CNTN6: variants seen among roughly 807,000 people sequenced by gnomAD.
The protein encoded by CNTN6 is contactin-6.
Under a neutral mutation model 122.8 loss-of-function variants are expected in CNTN6, and 137 were observed. That is an observed-to-expected ratio of 1.12 (90% CI 0.97 to 1.29). The LOEUF is 1.29. CNTN6 is among the 50% of genes most tolerant of loss of function. The pLI is 0.00. For missense variants in CNTN6, 1,634 were observed against 1,223.4 expected (o/e 1.34, Z -5.01); for synonymous variants, 570 against 426.0 (o/e 1.34, Z -4.16).
chr3:1,258,579 C>T (rs971244221), intron 4 of CNTN6, among the ~76,000 whole-genome samples: 3 of 152,122 alleles, frequency 2.0e-5, no homozygotes, highest in East Asian at 1.9e-4. Flanking sequence ...AATAAAAAAG[C>T]GTGGGGTGAA....
chr3:1,223,460 T>G (rs932965384), intron 3 of CNTN6, among the ~76,000 whole-genome samples: 4 of 152,188 alleles, frequency 2.6e-5, no homozygotes, highest in Non-Finnish European at 5.9e-5. Context: ...GAAAAAGGAT[T>G]ACCCTTTATT....
Position 1,383,059 on chromosome 3 carries a change from G to C in CNTN6, c.2284G>C (p.Val762Leu). 1 of 1,614,026 alleles carries C rather than the reference G, an allele frequency of 6.2e-7. No individual in the cohort carries two copies. The highest frequency in any genetic ancestry group is 1.6e-4 in the Middle Eastern group (1 of 6,062). Reference sequence around the variant, plus strand: ...GTCATCTGTGGAATCATCAAGGTTTGTCTACAGAAATGAAAGCATCATCCC... The same window carrying C: ...GTCATCTGTGGAATCATCAAGGTTTCTCTACAGAAATGAAAGCATCATCCC... Reference protein sequence around the residue: ...KVSSVESSRFVYRNESIIPLS... With the variant: ...KVSSVESSRFLYRNESIIPLS... The change falls in exon 18 of 23, where the codon GTC becomes CTC. Residue 762 changes from valine (V) to leucine (L), a missense_variant. Physicochemically the swap from Val to Leu is conservative, Grantham distance 32. Coordinates refer to ENST00000446702, the MANE Select transcript of CNTN6 (RefSeq NM_001289080.2).
chr3:1,183,502 A>G (rs1188856149), intron 2 of CNTN6, among the ~76,000 whole-genome samples: 1 of 152,010 alleles, frequency 6.6e-6, no homozygotes, highest in Non-Finnish European at 1.5e-5. Context: ...TCCAGTATTC[A>G]ATTGATTGCA....
chr3:1,354,768 T>G (rs189661620), intron 12 of CNTN6, among the ~76,000 whole-genome samples: 100 of 151,612 alleles, frequency 6.6e-4, no homozygotes, highest in African/African-American at 2.3e-3. Context: ...ATCGGACAGT[T>G]TTCAATTTTT....
At chr3:1,244,672 TA>T (rs1416379509) in intron 4 of CNTN6, among the ~76,000 whole-genome samples, 5 of 147,408 alleles carry the variant, frequency 3.4e-5, no homozygotes, top group African/African-American at 1.2e-4. Context: ...GTGTGAGCAA[TA>T]AAGCTGTTTA....
chr3:1,200,359 T>C (rs2093845224), intron 2 of CNTN6, among the ~76,000 whole-genome samples: 1 of 152,166 alleles, frequency 6.6e-6, no homozygotes, highest in African/African-American at 2.4e-5. Flanking sequence ...ATTCAGCTCT[T>C]TGGAGAGCTG....
At chr3:1,112,742 A>G (rs969166504) in intron 1 of CNTN6, among the ~76,000 whole-genome samples, 1 of 152,116 alleles carries the variant, frequency 6.6e-6, no homozygotes, top group African/African-American at 2.4e-5. Context: ...GATCAGATTG[A>G]TCCCTAAAAT....
intron 2 of CNTN6, among the ~76,000 whole-genome samples, chr3:1,175,590 A>G (rs1324663287): frequency 6.6e-6 from 1 of 152,222 alleles, no homozygotes; most frequent in African/African-American, 2.4e-5. Flanking sequence ...ACTATATTGT[A>G]AAACAATATG....
At chr3:1,151,055 C>T (rs113097432) in intron 2 of CNTN6, among the ~76,000 whole-genome samples, 4 of 152,262 alleles carry the variant, frequency 2.6e-5, no homozygotes, top group African/African-American at 7.2e-5. Flanking sequence ...TCTGCCTGCA[C>T]CTTTTTTCAG....
At chr3:1,205,711 G>A (rs1205496719) in intron 2 of CNTN6, among the ~76,000 whole-genome samples, 1 of 152,172 alleles carries the variant, frequency 6.6e-6, no homozygotes, top group African/African-American at 2.4e-5. Flanking sequence ...TTAACTCACT[G>A]ATCAATGAAG....
chr3:1,347,553 T>C (rs1044836556), intron 11 of CNTN6, among the ~76,000 whole-genome samples: 1 of 152,056 alleles, frequency 6.6e-6, no homozygotes, highest in Non-Finnish European at 1.5e-5. Context: ...AGAGCTTAGT[T>C]AAAGCCACAT....
intron 5 of CNTN6, among the ~76,000 whole-genome samples, chr3:1,280,459 ATTTTTTTTT>A (rs71619483): frequency 1.5e-5 from 1 of 66,652 alleles, no homozygotes; most frequent in Non-Finnish European, 2.7e-5. Context: ...TGTAATACCA[ATTTTTTTTT>A]TTTTTTTTTT....
At position 1,148,059 on chromosome 3, in the gene CNTN6, T is replaced by G; in HGVS notation, c.51T>G (p.Ser17=). 6.2e-7 allele frequency: 1 copy of G among 1,607,042 alleles called. No homozygotes were observed. Among genetic ancestry groups the G allele is most frequent in the Non-Finnish European group, 8.5e-7 (1 of 1,174,594 alleles). The change falls in exon 2 of 23, where the codon TCT becomes TCG. Residue 17 remains serine (S), a synonymous_variant. Coordinates refer to ENST00000446702, the MANE Select transcript of CNTN6 (RefSeq NM_001289080.2). The stretch of plus-strand genomic sequence containing the variant: ...TTCTGCTGCCACTCATAAACTCTTC[T>G]GCAGGTAAAGTGTTCTATTATTATA... ...LVILLPLINS[S]AGDGLLSRPI...
rs769074204 is a variant in CNTN6, at chr3:1,295,762, A to G, written c.616A>G (p.Ser206Gly). 3.1e-6 allele frequency: 5 copies of G among 1,613,914 alleles called. No homozygotes were observed. The South Asian group carries it at 5.5e-5, about 18-fold the overall frequency. The stretch of plus-strand genomic sequence containing the variant: ...TATAACTAACAAAGAGGCCCAGAGA[A>G]GTGTTCAAGGTCCACCCACTCCATT... The part of the protein sequence containing the change: ...CFITNKEAQR[S>G]VQGPPTPLVQ... Residue 206 changes from serine (S) to glycine (G), a missense_variant, in exon 6 of 23, where the codon AGT becomes GGT. Ser to Gly is a moderately conservative substitution (Grantham distance 56). Transcript: ENST00000446702.
At chr3:1,151,293 T>C (rs1275463681) in intron 2 of CNTN6, among the ~76,000 whole-genome samples, 1 of 152,136 alleles carries the variant, frequency 6.6e-6, no homozygotes, top group African/African-American at 2.4e-5. Flanking sequence ...TTACCAAAAG[T>C]TAATGTTGTT....
rs2092307234 is a variant in CNTN6 at position 1,130,448 on chromosome 3, A to C, written c.-82-17479A>C. Among the ~76,000 whole-genome samples, 2 of 152,060 alleles carry C rather than the reference A, an allele frequency of 1.3e-5. 1 individual carries two copies. Among genetic ancestry groups the C allele is most frequent in the African/African-American group, 4.8e-5 (2 of 41,428 alleles). On this transcript the variant is annotated intron_variant, in intron 1 of 22. Coordinates refer to ENST00000446702, the MANE Select transcript of CNTN6 (RefSeq NM_001289080.2). The stretch of plus-strand genomic sequence containing the variant: ...CTGAGAGTTAATGCTCCCCAGAGCA[A>C]CTCTCAAGCAATTATAGATGGGGAA...
At chr3:1,167,066 CAG>C (rs149214664) in intron 2 of CNTN6, among the ~76,000 whole-genome samples, 23,433 of 147,074 alleles carry the variant, frequency 0.16, 2,234 homozygotes, top group African/African-American at 0.26. Flanking sequence ...AAAAAAGAAA[CAG>C]TGGTTGTGAG....
chr3:1,362,993 A>G (rs992774955), intron 12 of CNTN6, among the ~76,000 whole-genome samples: 5 of 151,972 alleles, frequency 3.3e-5, no homozygotes, highest in Admixed American at 1.3e-4. Context: ...TGCGCTAAAG[A>G]CAATACCAAT....
chr3:1,104,475 C>T (rs557138064), intron 1 of CNTN6, among the ~76,000 whole-genome samples: 72 of 152,018 alleles, frequency 4.7e-4, no homozygotes, highest in Non-Finnish European at 9.1e-4. Flanking sequence ...TATTCATTTT[C>T]GTCAAGTGAA....
Sources: gnomAD v4.1 joint callset for allele counts (sites outside exome capture counted in the v4.1 genomes callset) on GRCh38, gnomAD v4.1.1 for gene constraint, MANE v1.5 for transcripts, NCBI Gene and HGNC (gene_info 2026-07-23, HGNC 2026-07-21) for gene names.